Variants in PCCA observed in about 807,000 individuals in gnomAD.
PCCA encodes the protein propionyl-CoA carboxylase alpha chain, mitochondrial.
PCCA carries 74 observed loss-of-function variants against 101.3 expected under a neutral mutation model. That is an observed-to-expected ratio of 0.73 (90% CI 0.61 to 0.89). The LOEUF (loss-of-function observed/expected upper bound fraction) is 0.89. PCCA is among the 40% of genes least tolerant of loss of function. The pLI, the probability that PCCA is intolerant of heterozygous loss-of-function variation, is 0.00. For missense variants in PCCA, 891 were observed against 907.0 expected (o/e 0.98, Z 0.23); for synonymous variants, 294 against 313.6 (o/e 0.94, Z 0.66).
At chr13:100,313,650 G>T (rs1244287774) in intron 16 of PCCA, among the ~76,000 whole-genome samples, 1 of 152,126 alleles carries the variant, frequency 6.6e-6, no homozygotes, top group African/African-American at 2.4e-5. Flanking sequence ...ACAAGGAGGG[G>T]GTTTGTTTTG....
At chr13:100,180,697 G>A (rs1440625175) in intron 6 of PCCA, among the ~76,000 whole-genome samples, 2 of 152,140 alleles carry the variant, frequency 1.3e-5, no homozygotes, top group African/African-American at 2.4e-5. Flanking sequence ...TTACTAATAC[G>A]CTTCTTTGAC....
At chr13:100,192,913 T>G (rs1375896657) in intron 6 of PCCA, among the ~76,000 whole-genome samples, 1 of 152,200 alleles carries the variant, frequency 6.6e-6, no homozygotes, top group African/African-American at 2.4e-5. Context: ...CCGTGTATTG[T>G]TTTTATTTTT....
chr13:100,141,628 G>A (rs756593386), intron 4 of PCCA, among the ~76,000 whole-genome samples: 29 of 152,054 alleles, frequency 1.9e-4, no homozygotes, highest in Non-Finnish European at 3.4e-4. Flanking sequence ...GGCCAGGCTG[G>A]TTTCAAACTA....
At chr13:100,475,180 T>A (rs2083323353) in intron 21 of PCCA, among the ~76,000 whole-genome samples, 1 of 152,114 alleles carries the variant, frequency 6.6e-6, no homozygotes, top group African/African-American at 2.4e-5. Context: ...CCCAAGTAAG[T>A]GGGATTATAG....
At chr13:100,165,170 T>A (rs917948596) in intron 6 of PCCA, among the ~76,000 whole-genome samples, 1 of 152,182 alleles carries the variant, frequency 6.6e-6, no homozygotes, top group African/African-American at 2.4e-5. Flanking sequence ...CTGCTTTTGC[T>A]TCTTTTTAGT....
chr13:100,464,011 C>T (rs185599442), intron 21 of PCCA, among the ~76,000 whole-genome samples: 1 of 152,258 alleles, frequency 6.6e-6, no homozygotes, highest in East Asian at 1.9e-4. Context: ...GTGTATGGTG[C>T]TTTAGGGCTT....
At chr13:100,499,194 G>T (rs2085492761) in intron 21 of PCCA, among the ~76,000 whole-genome samples, 1 of 152,178 alleles carries the variant, frequency 6.6e-6, no homozygotes. Flanking sequence ...AATATTCATA[G>T]CCTTTGCTGT....
At chr13:100,262,063 G>A (rs988154783) in intron 9 of PCCA, among the ~76,000 whole-genome samples, 1 of 152,170 alleles carries the variant, frequency 6.6e-6, no homozygotes, top group East Asian at 1.9e-4. Flanking sequence ...TTGAAGAAAT[G>A]GAATTAATTT....
At chr13:100,155,181 G>A (rs1339637992) in intron 5 of PCCA, 89 bp downstream of exon 5, 8 of 876,074 alleles carry the variant, frequency 9.1e-6, no homozygotes, top group Non-Finnish European at 1.3e-5. Flanking sequence ...AAATAGGAAA[G>A]AATGATTGAA....
intron 10 of PCCA, among the ~76,000 whole-genome samples, chr13:100,267,541 A>G (rs1235132624): frequency 6.6e-6 from 1 of 152,206 alleles, no homozygotes; most frequent in Non-Finnish European, 1.5e-5. Flanking sequence ...AAACAGAATG[A>G]CTTGTTCAGA....
intron 6 of PCCA, among the ~76,000 whole-genome samples, chr13:100,194,949 A>G (rs897113039): frequency 2.6e-5 from 4 of 152,172 alleles, no homozygotes; most frequent in African/African-American, 9.7e-5. Context: ...TGCCAATTAT[A>G]TTCATAGTTA....
At chr13:100,416,645 C>T (rs1164821739) in intron 19 of PCCA, among the ~76,000 whole-genome samples, 2 of 151,646 alleles carry the variant, frequency 1.3e-5, no homozygotes, top group Non-Finnish European at 2.9e-5. Flanking sequence ...TGACCTCAGC[C>T]GCCTGAGTAA....
chr13:100,258,758 T>C (rs1220635033), intron 9 of PCCA, among the ~76,000 whole-genome samples: 3 of 152,242 alleles, frequency 2.0e-5, no homozygotes, highest in Admixed American at 1.3e-4. Flanking sequence ...ATATTAGGCA[T>C]CATTTTGTAA....
intron 12 of PCCA, among the ~76,000 whole-genome samples, chr13:100,285,766 T>G (rs541536564): frequency 7.9e-5 from 12 of 152,332 alleles, no homozygotes; most frequent in Middle Eastern, 6.8e-3. Context: ...TCCAGACTTA[T>G]GCTGCCCGAG....
chr13:100,437,962 T>A (rs2080067871), intron 20 of PCCA, among the ~76,000 whole-genome samples: 1 of 152,126 alleles, frequency 6.6e-6, no homozygotes, highest in African/African-American at 2.4e-5. Flanking sequence ...GAGCCATTGT[T>A]CCCAACTGTC....
intron 18 of PCCA, among the ~76,000 whole-genome samples, chr13:100,344,389 A>G (rs886834351): frequency 1.3e-5 from 2 of 152,214 alleles, no homozygotes; most frequent in African/African-American, 4.8e-5. Context: ...CTTGACAGGC[A>G]TAATTGTAGC....
intron 7 of PCCA, among the ~76,000 whole-genome samples, chr13:100,229,264 C>T (rs1035402921): frequency 3.3e-5 from 5 of 152,210 alleles, no homozygotes; most frequent in Non-Finnish European, 7.3e-5. Context: ...CAGTATTTCA[C>T]TGAGTGCACC....
chr13:100,124,689 A>G (rs940732506), intron 4 of PCCA, among the ~76,000 whole-genome samples: 13 of 152,200 alleles, frequency 8.5e-5, no homozygotes, highest in Non-Finnish European at 1.5e-5. Flanking sequence ...ATGATCAGGT[A>G]AATGGAAATG....
intron 12 of PCCA, among the ~76,000 whole-genome samples, chr13:100,298,668 C>T (rs1366252901): frequency 5.0e-3 from 18 of 3,624 alleles, no homozygotes; most frequent in Non-Finnish European, 8.1e-3. Context: ...CCCTCCCTCC[C>T]TCCCTCCTTC....
Sources: allele counts gnomAD v4.1 joint callset (sites outside exome capture counted in the v4.1 genomes callset), GRCh38; gene constraint gnomAD v4.1.1; transcripts MANE v1.5; gene names NCBI Gene and HGNC (gene_info 2026-07-23, HGNC 2026-07-21).